SCOC: variants seen among roughly 807,000 people sequenced by gnomAD.
The protein encoded by SCOC is short coiled coil protein.
In SCOC, 7 loss-of-function variants were observed where a neutral mutation model predicts 9.9. The observed-to-expected ratio is 0.71, with a 90% CI of 0.40 to 1.33. The LOEUF is 1.33. SCOC is among the 40% of genes most tolerant of loss of function. The pLI, the probability that SCOC is intolerant of heterozygous loss-of-function variation, is 0.01. For missense variants in SCOC, 66 were observed against 89.7 expected (o/e 0.74, Z 1.07); for synonymous variants, 19 against 28.2 (o/e 0.67, Z 1.03).
chr4:140,288,031 AC>A (rs1459627234), intron 1 of SCOC, among the ~76,000 whole-genome samples: 2 of 152,006 alleles, frequency 1.3e-5, no homozygotes, highest in Non-Finnish European at 2.9e-5. Flanking sequence ...CACTTTACAC[AC>A]ATACCACACA....
intron 3 of SCOC, among the ~76,000 whole-genome samples, chr4:140,380,664 T>C (rs1380145405): frequency 6.6e-6 from 1 of 152,230 alleles, no homozygotes; most frequent in African/African-American, 2.4e-5. Flanking sequence ...AAAGATGTTA[T>C]AGTTTTATGT....
chr4:140,263,604 G>A (rs903351370), intron 1 of SCOC, among the ~76,000 whole-genome samples: 2 of 152,224 alleles, frequency 1.3e-5, no homozygotes, highest in East Asian at 3.8e-4. Context: ...TCGGTGAGGT[G>A]AGGAGAGGTG....
rs1286291212 is a variant in SCOC at position 140,373,700 on chromosome 4, C to T, written c.-68C>T. 1 of 1,548,982 alleles carries T rather than the reference C, an allele frequency of 6.5e-7. No individual in the cohort carries two copies. On this transcript the variant is annotated 5_prime_UTR_variant, in exon 1 of 4. Coordinates refer to ENST00000608372, the MANE Select transcript of SCOC (RefSeq NM_001153484.2). ...GTGTCGGCCGGATCCCTCCTTCTCC[C>T]GGCGCCTCAAGCGGAAGGTGAGGGC...
At chr4:140,321,762 G>T (rs532656451) in intron 1 of SCOC, among the ~76,000 whole-genome samples, 2 of 152,304 alleles carry the variant, frequency 1.3e-5, no homozygotes, top group African/African-American at 4.8e-5. Flanking sequence ...ATGGGTAGAA[G>T]AAATGTTTAA....
chr4:140,332,122 C>T (rs1732832084), intron 1 of SCOC, among the ~76,000 whole-genome samples: 1 of 152,072 alleles, frequency 6.6e-6, no homozygotes, highest in South Asian at 2.1e-4. Flanking sequence ...AGAAACCGCC[C>T]CCGTGATCCA....
intron 2 of SCOC, among the ~76,000 whole-genome samples, chr4:140,362,313 T>TCTTCTTCCTCTTCCTCTTCC (rs1727594134): frequency 1.2e-5 from 1 of 84,180 alleles, no homozygotes; most frequent in African/African-American, 4.0e-5. Context: ...TTTTTTTTTT[T>TCTTCTTCCTCTTCCTCTTCC]TTGTGAGAGT....
intron 1 of SCOC, among the ~76,000 whole-genome samples, chr4:140,273,834 A>G (rs1052549807): frequency 2.0e-5 from 3 of 152,240 alleles, no homozygotes; most frequent in Non-Finnish European, 4.4e-5. Context: ...AATGTCTTCC[A>G]ATTCTGCCCC....
intron 2 of SCOC, among the ~76,000 whole-genome samples, chr4:140,354,539 T>C (rs1727124982): frequency 6.8e-6 from 1 of 146,182 alleles, no homozygotes; most frequent in Admixed American, 7.0e-5. Context: ...TTTTGCAGGA[T>C]ATTTTTTACC....
chr4:140,339,964 G>GGATT (rs1726437665), upstream of SCOC, among the ~76,000 whole-genome samples: 1 of 152,136 alleles, frequency 6.6e-6, no homozygotes, highest in South Asian at 2.1e-4. Flanking sequence ...TATACCCAAA[G>GGATT]GATTACAAAT....
At chr4:140,286,940 CCA>C (rs371430966) in intron 1 of SCOC, among the ~76,000 whole-genome samples, 19 of 152,170 alleles carry the variant, frequency 1.2e-4, no homozygotes, top group Non-Finnish European at 2.5e-4. Flanking sequence ...AGCTGGAAGA[CCA>C]CACACACACC....
intron 1 of SCOC, among the ~76,000 whole-genome samples, chr4:140,266,911 G>A (rs899737801): frequency 6.6e-6 from 1 of 152,036 alleles, no homozygotes; most frequent in Non-Finnish European, 1.5e-5. Flanking sequence ...TCTTCCTGGG[G>A]CTCGTTGTAT....
intron 1 of SCOC, among the ~76,000 whole-genome samples, chr4:140,273,690 C>A (rs1025385356): frequency 4.0e-5 from 6 of 151,712 alleles, no homozygotes; most frequent in Non-Finnish European, 8.8e-5. Context: ...TTTTGAGAGG[C>A]ATTCTCATGG....
chr4:140,315,875 A>G (rs191580588), intron 1 of SCOC, among the ~76,000 whole-genome samples: 20 of 152,194 alleles, frequency 1.3e-4, no homozygotes, highest in Non-Finnish European at 2.9e-5. Flanking sequence ...TGATTTTATT[A>G]GACAAGAGAA....
At chr4:140,362,300 T>TTCTTCTTCTTCTTCTTC (rs562255556) in intron 2 of SCOC, among the ~76,000 whole-genome samples, 2 of 36,558 alleles carry the variant, frequency 5.5e-5, no homozygotes, top group African/African-American at 2.1e-4. Context: ...CTTCTTCTTC[T>TTCTTCTTCTTCTTCTTC]TTTTTTTTTT....
At chr4:140,257,796 C>T (rs1324785765) in intron 1 of SCOC, among the ~76,000 whole-genome samples, 1 of 152,194 alleles carries the variant, frequency 6.6e-6, no homozygotes, top group Non-Finnish European at 1.5e-5. Flanking sequence ...TGTTTCTATC[C>T]TCCCGTTTCC....
At chr4:140,259,819 C>G (rs1253448547) in intron 1 of SCOC, among the ~76,000 whole-genome samples, 1 of 152,312 alleles carries the variant, frequency 6.6e-6, no homozygotes, top group East Asian at 1.9e-4. Flanking sequence ...GCATTAGAAC[C>G]CTCCATGAAG....
At chr4:140,303,261 G>A (rs1032951397) in intron 1 of SCOC, among the ~76,000 whole-genome samples, 18 of 152,216 alleles carry the variant, frequency 1.2e-4, no homozygotes, top group African/African-American at 3.6e-4. Context: ...TATTTGTTGC[G>A]TGTTCTGGTA....
chr4:140,340,808 T>TTTTTTTTTTTTTTTTTTC (rs140552446), upstream of SCOC, among the ~76,000 whole-genome samples: 1 of 111,814 alleles, frequency 8.9e-6, no homozygotes, highest in Non-Finnish European at 1.8e-5. Flanking sequence ...TTTTTTTTTT[T>TTTTTTTTTTTTTTTTTTC]AGAGGGATAG....
intron 2 of SCOC, among the ~76,000 whole-genome samples, chr4:140,345,732 C>CAT (rs1726709189): frequency 1.3e-5 from 2 of 152,012 alleles, no homozygotes; most frequent in African/African-American, 4.8e-5. Flanking sequence ...TATGTGTACA[C>CAT]ATACATGTGT....
Sources: allele counts gnomAD v4.1 joint callset (sites outside exome capture counted in the v4.1 genomes callset), GRCh38; gene constraint gnomAD v4.1.1; transcripts MANE v1.5; gene names NCBI Gene and HGNC (gene_info 2026-07-23, HGNC 2026-07-21).